The following MICU2 variants were observed in gnomAD, a reference collection of about 807,000 sequenced individuals.
The protein encoded by MICU2 is mitochondrial calcium uptake 2.
In MICU2, 64 loss-of-function variants were observed where a neutral mutation model predicts 60.4. The ratio of observed to expected loss-of-function variants is 1.06; its 90% CI spans 0.87 to 1.31. The LOEUF is 1.31. MICU2 is among the 50% of genes most tolerant of loss of function. The pLI, the probability that MICU2 is intolerant of heterozygous loss-of-function variation, is 0.00. For synonymous variants in MICU2, 201 were observed against 175.0 expected (o/e 1.15, Z -1.17); for missense variants, 569 against 531.0 (o/e 1.07, Z -0.70).
intron 10 of MICU2, 116 bp from the exon 11 acceptor site, chr13:21,495,434 G>C (rs1426726484): frequency 3.6e-6 from 4 of 1,126,284 alleles, no homozygotes; most frequent in Non-Finnish European, 2.4e-6. Flanking sequence ...TATTTGGGAA[G>C]TAAAACAAAA....
At chr13:21,535,757 C>A (rs1438724404) in intron 4 of MICU2, among the ~76,000 whole-genome samples, 2 of 152,116 alleles carry the variant, frequency 1.3e-5, no homozygotes, top group African/African-American at 2.4e-5. Context: ...AGCTAGGAAT[C>A]TAAACCAGGC....
intron 4 of MICU2, among the ~76,000 whole-genome samples, chr13:21,536,622 T>C (rs1040706904): frequency 6.6e-6 from 1 of 152,196 alleles, no homozygotes; most frequent in Non-Finnish European, 1.5e-5. Context: ...CGTGAGCTAA[T>C]GCACTCAGCC....
intron 4 of MICU2, among the ~76,000 whole-genome samples, chr13:21,525,601 T>C (rs556891554): frequency 4.7e-4 from 71 of 152,178 alleles, no homozygotes; most frequent in African/African-American, 1.6e-3. Context: ...TTCTTTTTTT[T>C]TTTAACTGCC....
At chr13:21,595,702 C>T (rs933773494) in intron 1 of MICU2, among the ~76,000 whole-genome samples, 1 of 152,234 alleles carries the variant, frequency 6.6e-6, no homozygotes, top group Non-Finnish European at 1.5e-5. Flanking sequence ...CTTCTACAGA[C>T]TAGTTGTGGC....
intron 6 of MICU2, among the ~76,000 whole-genome samples, chr13:21,520,330 T>A (rs984244042): frequency 1.3e-5 from 2 of 152,348 alleles, no homozygotes; most frequent in Non-Finnish European, 2.9e-5. Context: ...CTAGGTCATA[T>A]GCCAAGGATA....
At chr13:21,600,138 C>T (rs918559744) in intron 1 of MICU2, among the ~76,000 whole-genome samples, 1 of 152,152 alleles carries the variant, frequency 6.6e-6, no homozygotes, top group Non-Finnish European at 1.5e-5. Context: ...GTTAAGAAAT[C>T]CTGCAATGGC....
intron 4 of MICU2, among the ~76,000 whole-genome samples, chr13:21,531,673 T>C (rs1015614890): frequency 6.6e-6 from 1 of 152,212 alleles, no homozygotes; most frequent in Non-Finnish European, 1.5e-5. Context: ...GTCATTTGTA[T>C]GTAATGGATA....
At chr13:21,550,005 T>C (rs1285187748) in intron 2 of MICU2, among the ~76,000 whole-genome samples, 12 of 152,348 alleles carry the variant, frequency 7.9e-5, no homozygotes, top group Non-Finnish European at 1.3e-4. Context: ...GGTGGTAGAA[T>C]AGATACTTTT....
chr13:21,567,420 C>T (rs891055237), intron 1 of MICU2, among the ~76,000 whole-genome samples: 4 of 152,030 alleles, frequency 2.6e-5, no homozygotes, highest in African/African-American at 9.7e-5. Flanking sequence ...GGTCAAGGAA[C>T]AGCAGAAAGG....
chr13:21,579,419 C>A (rs180899688), intron 1 of MICU2, among the ~76,000 whole-genome samples: 2,174 of 149,828 alleles, frequency 0.015, 181 homozygotes, highest in Admixed American at 0.13. Context: ...TGGCTCACTG[C>A]GACCTCTGCC....
chr13:21,584,939 CAG>C (rs934972492), intron 1 of MICU2, among the ~76,000 whole-genome samples: 1 of 152,100 alleles, frequency 6.6e-6, no homozygotes, highest in African/African-American at 2.4e-5. Flanking sequence ...CAAGAACAAA[CAG>C]TAATATTTAC....
intron 4 of MICU2, among the ~76,000 whole-genome samples, chr13:21,536,935 A>AAT (rs1224482065): frequency 3.3e-5 from 5 of 152,178 alleles, no homozygotes; most frequent in African/African-American, 1.2e-4. Context: ...CTGAACCCTG[A>AAT]AATCACCTGC....
chr13:21,570,299 G>T, intron 1 of MICU2, among the ~76,000 whole-genome samples: 1 of 144,838 alleles, frequency 6.9e-6, no homozygotes, highest in East Asian at 1.9e-4. Flanking sequence ...TACGGTAGTA[G>T]AATTTTAAAA....
At chr13:21,505,849 A>T (rs1434159959) in intron 8 of MICU2, among the ~76,000 whole-genome samples, 1 of 152,142 alleles carries the variant, frequency 6.6e-6, no homozygotes, top group East Asian at 1.9e-4. Context: ...CAACCTCATC[A>T]GATTCTAGTT....
At chr13:21,498,831 A>C (rs987145908) in intron 9 of MICU2, among the ~76,000 whole-genome samples, 1 of 151,766 alleles carries the variant, frequency 6.6e-6, no homozygotes, top group Non-Finnish European at 1.5e-5. Flanking sequence ...GAAAAAAAAA[A>C]ACCAGTGTAT....
chr13:21,512,321 A>G (rs1462476698), intron 7 of MICU2, among the ~76,000 whole-genome samples: 1 of 152,198 alleles, frequency 6.6e-6, no homozygotes, highest in Non-Finnish European at 1.5e-5. Context: ...TTAAATTGTA[A>G]GAAGAGTTCT....
intron 2 of MICU2, among the ~76,000 whole-genome samples, chr13:21,557,974 TTC>T (rs1887748746): frequency 6.6e-6 from 1 of 152,196 alleles, no homozygotes. Flanking sequence ...CACAAGCAGT[TTC>T]TGTTACCTGC....
At chr13:21,595,476 T>C (rs1888672753) in intron 1 of MICU2, among the ~76,000 whole-genome samples, 1 of 152,242 alleles carries the variant, frequency 6.6e-6, no homozygotes, top group Non-Finnish European at 1.5e-5. Flanking sequence ...GACACACTGG[T>C]GGGTGGCTTC....
intron 2 of MICU2, among the ~76,000 whole-genome samples, chr13:21,550,403 C>T (rs958801666): frequency 5.9e-5 from 9 of 152,170 alleles, no homozygotes; most frequent in South Asian, 4.1e-4. Context: ...CTGAGTACAG[C>T]GGCATGTGCC....
Sources: allele counts gnomAD v4.1 joint callset (sites outside exome capture counted in the v4.1 genomes callset), GRCh38; gene constraint gnomAD v4.1.1; transcripts MANE v1.5; gene names NCBI Gene and HGNC (gene_info 2026-07-23, HGNC 2026-07-21).